Variants in ZNF592 observed in about 807,000 individuals in gnomAD.
ZNF592 encodes the protein zinc finger protein 592.
Under a neutral mutation model 80.3 loss-of-function variants are expected in ZNF592, and 11 were observed. The ratio of observed to expected loss-of-function variants is 0.14; its 90% confidence interval spans 0.09 to 0.23. The LOEUF (loss-of-function observed/expected upper bound fraction) is 0.23. Among genes scored for constraint, ZNF592 ranks in the 10% least tolerant of loss-of-function variants. ZNF592 has a pLI of 1.00. For missense variants in ZNF592, 1,420 were observed against 1,633.9 expected, an observed-to-expected ratio of 0.87 and a Z score of 2.26; for synonymous variants, 646 against 640.3, an observed-to-expected ratio of 1.01 and a Z score of -0.13.
rs982973076 is a variant in ZNF592 at position 84,800,843 on chromosome 15, T to C, written c.3273+866T>C. Among the ~76,000 whole-genome samples, 3 of 152,264 alleles carry C rather than the reference T, an allele frequency of 2.0e-5. No homozygotes were observed. In the East Asian group the frequency reaches 5.8e-4, roughly 29 times the overall value. On this transcript the variant is annotated intron_variant, in intron 10 of 10. Coordinates refer to ENST00000560079, the MANE Select transcript of ZNF592 (RefSeq NM_014630.3). The stretch of plus-strand genomic sequence containing the variant: ...TGCTAAAGGATGTTTGCTGCAGCAC[T>C]GTGTGCAGTAACAAAGACGGAACTC...
chr15:84,779,391 C>A (rs1220132653), intron 3 of ZNF592, among the ~76,000 whole-genome samples: 2 of 152,114 alleles, frequency 1.3e-5, no homozygotes, highest in Non-Finnish European at 2.9e-5. Context: ...GTACCTTATT[C>A]ACAGTTATTG....
At chr15:84,772,669 G>A (rs1298541458) in intron 2 of ZNF592, among the ~76,000 whole-genome samples, 1 of 152,218 alleles carries the variant, frequency 6.6e-6, no homozygotes, top group Non-Finnish European at 1.5e-5. Flanking sequence ...TTCACCCACA[G>A]GTTGTGAAAC....
At position 84,782,743 on chromosome 15, in the gene ZNF592, G is replaced by C. The variant is rs201238553; in HGVS notation, c.68G>C (p.Ser23Thr). 234 of 1,613,992 alleles carry C rather than the reference G, an allele frequency of 1.4e-4. No individual in the cohort carries two copies. The highest frequency in any genetic ancestry group is 1.9e-4 in the Non-Finnish European group (225 of 1,180,016). The change falls in exon 4 of 11, where the codon AGC becomes ACC. Residue 23 changes from serine (S) to threonine (T), a missense_variant. By Grantham distance (58) the Ser-to-Thr change is moderately conservative. Transcript: ENST00000560079. ...LAAFDIPDPT[S>T]LDAKEAIQTP... The stretch of plus-strand genomic sequence containing the variant: ...GCCTTTGACATCCCAGACCCCACCA[G>C]CCTTGATGCCAAGGAGGCCATCCAG...
intron 5 of ZNF592, among the ~76,000 whole-genome samples, chr15:84,792,563 A>G (rs529709917): frequency 1.3e-5 from 2 of 152,026 alleles, no homozygotes; most frequent in South Asian, 2.1e-4. Flanking sequence ...TGATCCTCCC[A>G]TCTCGGCCTC....
At chr15:84,777,996 C>T (rs1366128711) in intron 2 of ZNF592, among the ~76,000 whole-genome samples, 187 bp from the exon 3 acceptor site, 2 of 152,106 alleles carry the variant, frequency 1.3e-5, no homozygotes, top group African/African-American at 4.8e-5. Flanking sequence ...CCGTGCCCGG[C>T]CTAGATACTT....
chr15:84,788,743 T>A (rs1962656726), intron 4 of ZNF592, among the ~76,000 whole-genome samples: 2 of 152,186 alleles, frequency 1.3e-5, no homozygotes, highest in East Asian at 3.8e-4. Flanking sequence ...CAATTCCCAT[T>A]TATCTTCCTC....
Position 84,797,881 on chromosome 15 carries a change from T to C in ZNF592, c.2412T>C (p.Cys804=), listed in dbSNP as rs1962965662. The C allele has an allele frequency of 6.2e-7, 1 of 1,614,216 alleles. No homozygotes were observed. Among genetic ancestry groups the C allele is most frequent in the South Asian group, 1.1e-5 (1 of 91,092 alleles). Residue 804 remains cysteine (C), a synonymous_variant, in exon 6 of 11, where the codon TGT becomes TGC. Coordinates refer to ENST00000560079, the MANE Select transcript of ZNF592 (RefSeq NM_014630.3). ...CACTTCTGTCTAGGTGCATCCACTGTGGTGTCGTCCACCTGACCTTGGCCT... is the reference window on the plus strand; with the variant it reads ...CACTTCTGTCTAGGTGCATCCACTGCGGTGTCGTCCACCTGACCTTGGCCT... ...ARKVGYRCIH[C]GVVHLTLALL...
chr15:84,752,843 T>C (rs1899051415), intron 1 of ZNF592, among the ~76,000 whole-genome samples: 1 of 152,210 alleles, frequency 6.6e-6, no homozygotes, highest in Non-Finnish European at 1.5e-5. Flanking sequence ...CCAGAGAGAC[T>C]GACTCACTAA....
Position 84,801,865 on chromosome 15 carries a change from G to C in ZNF592, c.3276G>C (p.Val1092=), listed in dbSNP as rs151137701. 2.4e-4 allele frequency: 395 copies of C among 1,613,920 alleles called. 1 individual carries two copies. The African/African-American group carries it at 4.7e-3, about 19-fold the overall frequency. The change falls in exon 11 of 11, where the codon GTG becomes GTC. Residue 1092 remains valine (V), a splice_region_variant and synonymous_variant. Transcript: ENST00000560079. ...GCTCATGCTGTCTCTCCTTTTAGGT[G>C]AACCATCTGAAAAGACCAGTCAGTG... ...VKPPGGHSPQ[V]NHLKRPVSGV...
rs752142106 is a variant in ZNF592, at chr15:84,802,165, G to A, written c.3576G>A (p.Ala1192=). Residue 1192 remains alanine (A), a synonymous_variant, in exon 11 of 11, where the codon GCG becomes GCA. Transcript: ENST00000560079. ...EEEEEEEAAA[A]EMAVEVAEPE... ...AGGAGGAAGAGGAGGCGGCGGCAGC[G>A]GAGATGGCAGTGGAGGTGGCAGAGC... 3.1e-5 allele frequency: 50 copies of A among 1,603,918 alleles called. No individual in the cohort carries two copies. The highest frequency in any genetic ancestry group is 2.2e-4 in the South Asian group (20 of 90,868).
chr15:84,766,949 C>G (rs1899545630), intron 2 of ZNF592, among the ~76,000 whole-genome samples: 1 of 152,018 alleles, frequency 6.6e-6, no homozygotes, highest in Non-Finnish European at 1.5e-5. Context: ...GTGGCACCCT[C>G]AAAACCACCA....
rs924391269 is a variant in ZNF592 at position 84,790,964 on chromosome 15, T to C, written c.2399+81T>C. 6 of 1,587,130 alleles carry C rather than the reference T, an allele frequency of 3.8e-6. No individual in the cohort carries two copies. In the Admixed American group the frequency reaches 1.0e-4, roughly 27 times the overall value. ...AAGCCAGAACTCATTTCAGATAGTT[T>C]TGGTCTTAAGAGGCTTGGGTTCCAG... On this transcript the variant is annotated intron_variant, in intron 5 of 10. Transcript: ENST00000560079.
chr15:84,798,257 G>A lies in ZNF592; in HGVS notation c.2577-58G>A. ...ACCCTGGTTCAGAGAGAGCAGAGAT[G>A]GGTGGAGGGGCTGCATGGTGCCTTG... On this transcript the variant is annotated intron_variant, in intron 6 of 10. Transcript: ENST00000560079. This position sits in a 1 kb window ranked among gnomAD's most constrained non-coding sequence, Gnocchi z 4.5. 6.2e-7 allele frequency: 1 copy of A among 1,611,396 alleles called. No individual in the cohort carries two copies. Among genetic ancestry groups the A allele is most frequent in the Non-Finnish European group, 8.5e-7 (1 of 1,178,732 alleles).
At chr15:84,770,415 GAATA>G (rs1272887763) in intron 2 of ZNF592, among the ~76,000 whole-genome samples, 1 of 152,136 alleles carries the variant, frequency 6.6e-6, no homozygotes, top group Non-Finnish European at 1.5e-5. Context: ...ATGTGAGGAA[GAATA>G]AATAAAGCAA....
chr15:84,749,040 C>T (rs922438783), intron 1 of ZNF592, among the ~76,000 whole-genome samples: 1 of 152,192 alleles, frequency 6.6e-6, no homozygotes, highest in Non-Finnish European at 1.5e-5. Flanking sequence ...CACTTTCTCC[C>T]TCTGGGACGG....
chr15:84,759,913 AGAG>A (rs1252713238), intron 1 of ZNF592, among the ~76,000 whole-genome samples: 1 of 150,196 alleles, frequency 6.7e-6, no homozygotes, highest in African/African-American at 2.5e-5. Context: ...GTTTTGAGGC[AGAG>A]TTGGAATTTG....
chr15:84,779,013 G>T (rs1451575680), intron 3 of ZNF592, among the ~76,000 whole-genome samples: 4 of 152,210 alleles, frequency 2.6e-5, no homozygotes, highest in Admixed American at 2.6e-4. Flanking sequence ...TGGTTTTAAG[G>T]AGTGGAGCAT....
chr15:84,792,569 G>A (rs1962780325), intron 5 of ZNF592, among the ~76,000 whole-genome samples: 1 of 152,020 alleles, frequency 6.6e-6, no homozygotes, highest in African/African-American at 2.4e-5. Flanking sequence ...TCCCATCTCG[G>A]CCTCCCAGGT....
chr15:84,748,933 G>A (rs1223530533), intron 1 of ZNF592, among the ~76,000 whole-genome samples: 1 of 151,234 alleles, frequency 6.6e-6, no homozygotes, highest in African/African-American at 2.4e-5. Context: ...CCGCTCCTTG[G>A]CAGGCCGGGC....
Sources: gnomAD v4.1 joint callset for allele counts (sites outside exome capture counted in the v4.1 genomes callset) on GRCh38, gnomAD v4.1.1 for gene constraint, Gnocchi (gnomAD v3.1) non-coding constraint, MANE v1.5 for transcripts, NCBI Gene and HGNC (gene_info 2026-07-23, HGNC 2026-07-21) for gene names.